The following PHACTR3 variants were observed in gnomAD, a reference collection of about 807,000 sequenced individuals.
PHACTR3 encodes protein phosphatase 1, regulatory subunit 123.
Under a neutral mutation model 66.8 loss-of-function variants are expected in PHACTR3, and 16 were observed. That is an observed-to-expected ratio of 0.24 (90% CI 0.16 to 0.36). The LOEUF (loss-of-function observed/expected upper bound fraction) is 0.36. PHACTR3 is among the 10% of genes least tolerant of loss of function. The probability of loss-of-function intolerance (pLI) is 1.00; values close to 1 mark genes in which losing one functional copy is unlikely to be tolerated. For missense variants in PHACTR3, 647 were observed against 719.9 expected, an observed-to-expected ratio of 0.90 and a Z score of 1.16; for synonymous variants, 323 against 292.1, an observed-to-expected ratio of 1.11 and a Z score of -1.08.
At chr20:59,715,818 G>A (rs925706305) in intron 1 of PHACTR3, among the ~76,000 whole-genome samples, 3 of 151,842 alleles carry the variant, frequency 2.0e-5, no homozygotes, top group African/African-American at 7.2e-5. Context: ...AATGTTAAAG[G>A]TAGAAGCAGA....
At chr20:59,670,382 G>A (rs1296413590) in intron 1 of PHACTR3, among the ~76,000 whole-genome samples, 2 of 152,204 alleles carry the variant, frequency 1.3e-5, no homozygotes, top group African/African-American at 4.8e-5. Flanking sequence ...AAGACCTGGA[G>A]ATGGGGCCAC....
At position 59,764,221 on chromosome 20, in the gene PHACTR3, AG is replaced by A. The variant is rs1198988376; in HGVS notation, c.542-2963del. Among the ~76,000 whole-genome samples the A allele has an allele frequency of 4.2e-3, 644 of 151,596 alleles. 3 individuals carry two copies. Among genetic ancestry groups the A allele is most frequent in the African/African-American group, 0.015 (615 of 41,364 alleles). Reference sequence around the variant, plus strand: ...ATTGGCTGGGGCTGACCCAGAAGTGAGGACACTGACCCCAGGCTGCCCTTCC... The same window carrying A: ...ATTGGCTGGGGCTGACCCAGAAGTGAGACACTGACCCCAGGCTGCCCTTCC... On this transcript the variant is annotated intron_variant, in intron 4 of 12. Transcript: ENST00000371015.
chr20:59,651,036 T>A (rs2035442850), intron 1 of PHACTR3, among the ~76,000 whole-genome samples: 2 of 141,042 alleles, frequency 1.4e-5, no homozygotes, highest in South Asian at 2.1e-4. Context: ...GCATGAATGT[T>A]GTGTGTGTGT....
chr20:59,716,580 A>C (rs2038100320), intron 1 of PHACTR3, among the ~76,000 whole-genome samples: 1 of 152,002 alleles, frequency 6.6e-6, no homozygotes, highest in African/African-American at 2.4e-5. Flanking sequence ...GCTCATTATT[A>C]ATGTCACTTT....
intron 1 of PHACTR3, among the ~76,000 whole-genome samples, chr20:59,734,358 C>T (rs568809801): frequency 1.3e-5 from 2 of 152,282 alleles, no homozygotes; most frequent in African/African-American, 4.8e-5. Context: ...CTCAAGCAAT[C>T]CTCCTGCCTC....
At chr20:59,691,082 T>C (rs925230683) in intron 1 of PHACTR3, among the ~76,000 whole-genome samples, 5 of 152,164 alleles carry the variant, frequency 3.3e-5, no homozygotes, top group African/African-American at 1.2e-4. Context: ...CCTCCCACTA[T>C]AGGATATCTC....
chr20:59,584,484 ATG>A (rs2032961407), intron 1 of PHACTR3, among the ~76,000 whole-genome samples: 1 of 151,996 alleles, frequency 6.6e-6, no homozygotes, highest in African/African-American at 2.4e-5. Context: ...GAGTGTGTAT[ATG>A]AGCAAGTGTG....
intron 4 of PHACTR3, among the ~76,000 whole-genome samples, chr20:59,756,798 A>G (rs2146827842): frequency 6.6e-6 from 1 of 152,052 alleles, no homozygotes; most frequent in South Asian, 2.1e-4. Flanking sequence ...CATTAGGTAT[A>G]TCTCCTAATG....
At chr20:59,758,555 G>A (rs2039888918) in intron 4 of PHACTR3, among the ~76,000 whole-genome samples, 1 of 152,184 alleles carries the variant, frequency 6.6e-6, no homozygotes. Flanking sequence ...TCATCATGCT[G>A]GGGATAACAA....
chr20:59,845,065 G>A (rs749734845), intron 11 of PHACTR3, 124 bp from the exon 12 acceptor site: 37 of 591,442 alleles, frequency 6.3e-5, no homozygotes, highest in Non-Finnish European at 1.0e-4. Context: ...AAAATTGTTT[G>A]TTTTTTTCTG....
At chr20:59,723,304 T>G (rs2038419109) in intron 1 of PHACTR3, among the ~76,000 whole-genome samples, 1 of 152,014 alleles carries the variant, frequency 6.6e-6, no homozygotes, top group Non-Finnish European at 1.5e-5. Context: ...CCCCTTTCCC[T>G]ACCCCTGGCA....
intron 1 of PHACTR3, among the ~76,000 whole-genome samples, chr20:59,651,968 T>C (rs1465557069): frequency 6.6e-6 from 1 of 152,136 alleles, no homozygotes; most frequent in East Asian, 1.9e-4. Context: ...GGCTGAGAAG[T>C]TCTACAATCT....
intron 3 of PHACTR3, among the ~76,000 whole-genome samples, chr20:59,749,128 G>T (rs957477240): frequency 1.5e-4 from 23 of 152,300 alleles, no homozygotes; most frequent in African/African-American, 5.5e-4. Flanking sequence ...GTGACGCTCG[G>T]ATTTGGCGGA....
chr20:59,825,320 A>T (rs1600723395), intron 8 of PHACTR3, among the ~76,000 whole-genome samples: 1 of 152,308 alleles, frequency 6.6e-6, no homozygotes, highest in East Asian at 1.9e-4. Flanking sequence ...TTTGGGCTCA[A>T]GTTTCTCAAT....
At chr20:59,700,817 G>T (rs2037476976) in intron 1 of PHACTR3, among the ~76,000 whole-genome samples, 1 of 152,034 alleles carries the variant, frequency 6.6e-6, no homozygotes, top group Non-Finnish European at 1.5e-5. Flanking sequence ...TGAGACAGGG[G>T]CTTGCTCCAT....
At chr20:59,585,312 C>T (rs1355757001) in intron 1 of PHACTR3, among the ~76,000 whole-genome samples, 1 of 152,130 alleles carries the variant, frequency 6.6e-6, no homozygotes, top group African/African-American at 2.4e-5. Context: ...ATGTTGTGGC[C>T]ATTTTTGGGG....
At chr20:59,718,920 G>C (rs925317794) in intron 1 of PHACTR3, among the ~76,000 whole-genome samples, 2 of 152,234 alleles carry the variant, frequency 1.3e-5, no homozygotes, top group Non-Finnish European at 2.9e-5. Flanking sequence ...ACCAGAAAGC[G>C]TCTCTGCTCC....
At chr20:59,826,697 C>T (rs149116143) in intron 8 of PHACTR3, among the ~76,000 whole-genome samples, 2 of 152,296 alleles carry the variant, frequency 1.3e-5, no homozygotes, top group Non-Finnish European at 2.9e-5. Flanking sequence ...AGTCCTGGCC[C>T]TGCCTGTTAC....
intron 1 of PHACTR3, among the ~76,000 whole-genome samples, chr20:59,723,887 C>G (rs1047820065): frequency 3.3e-5 from 5 of 152,028 alleles, no homozygotes; most frequent in African/African-American, 1.2e-4. Flanking sequence ...GTGGTCTGCT[C>G]AGGAGTAGAA....
Sources: gnomAD v4.1 joint callset for allele counts (sites outside exome capture counted in the v4.1 genomes callset) on GRCh38, gnomAD v4.1.1 for gene constraint, MANE v1.5 for transcripts, NCBI Gene and HGNC (gene_info 2026-07-23, HGNC 2026-07-21) for gene names.